ATP8A2: variants seen among roughly 807,000 people sequenced by gnomAD.
The protein encoded by ATP8A2 is phospholipid-transporting ATPase IB.
ATP8A2 carries 100 observed loss-of-function variants against 165.6 expected under a neutral mutation model. That is an observed-to-expected ratio of 0.60 (90% CI 0.51 to 0.71). ATP8A2 has a LOEUF of 0.71. Ranked by LOEUF, ATP8A2 falls within the 30% of genes least tolerant of loss-of-function variation. ATP8A2 has a pLI of 0.00. For missense variants in ATP8A2, 1,227 were observed against 1,479.5 expected, an observed-to-expected ratio of 0.83 and a Z score of 2.80; for synonymous variants, 543 against 548.8, an observed-to-expected ratio of 0.99 and a Z score of 0.15.
At chr13:25,739,475 T>G (rs2043859801) in intron 25 of ATP8A2, among the ~76,000 whole-genome samples, 1 of 152,214 alleles carries the variant, frequency 6.6e-6, no homozygotes, top group African/African-American at 2.4e-5. Flanking sequence ...GAGAGCAGTC[T>G]TAATATAACG....
intron 25 of ATP8A2, among the ~76,000 whole-genome samples, chr13:25,755,741 C>T (rs910776715): frequency 1.8e-4 from 27 of 151,976 alleles, no homozygotes; most frequent in Admixed American, 4.6e-4. Flanking sequence ...CCCCTCTCTA[C>T]TAAAAATACA....
chr13:25,596,680 T>C (rs1016961885), intron 24 of ATP8A2, among the ~76,000 whole-genome samples: 3 of 152,220 alleles, frequency 2.0e-5, no homozygotes, highest in Non-Finnish European at 4.4e-5. Context: ...CAGGACATTT[T>C]CATTATTTTC....
intron 33 of ATP8A2, among the ~76,000 whole-genome samples, chr13:25,874,591 A>C (rs1325218440): frequency 6.6e-6 from 1 of 152,186 alleles, no homozygotes; most frequent in Non-Finnish European, 1.5e-5. Flanking sequence ...ATGTGGAGAG[A>C]TCGAAACGCT....
intron 1 of ATP8A2, among the ~76,000 whole-genome samples, chr13:25,467,915 A>T (rs992633587): frequency 6.6e-6 from 1 of 152,190 alleles, no homozygotes; most frequent in African/African-American, 2.4e-5. Context: ...CGTGGCAGGT[A>T]TTAGAGGGCG....
intron 1 of ATP8A2, among the ~76,000 whole-genome samples, chr13:25,386,746 C>T (rs2033060654): frequency 6.6e-6 from 1 of 152,136 alleles, no homozygotes; most frequent in Admixed American, 6.5e-5. Context: ...CCTGTAATCC[C>T]AGCACCTCTG....
intron 1 of ATP8A2, among the ~76,000 whole-genome samples, chr13:25,445,203 C>T (rs2035036743): frequency 6.6e-6 from 1 of 152,090 alleles, no homozygotes; most frequent in Non-Finnish European, 1.5e-5. Flanking sequence ...ATTGCTTTTG[C>T]ATTGTGTTTA....
intron 1 of ATP8A2, among the ~76,000 whole-genome samples, chr13:25,436,247 A>T (rs527616166): frequency 6.6e-6 from 1 of 152,142 alleles, no homozygotes; most frequent in African/African-American, 2.4e-5. Flanking sequence ...CCCAGTAGGC[A>T]GTTCCTCAGC....
chr13:25,400,924 A>C (rs570769741), intron 1 of ATP8A2, among the ~76,000 whole-genome samples: 1 of 152,340 alleles, frequency 6.6e-6, no homozygotes, highest in East Asian at 1.9e-4. Context: ...AACAGGAAGG[A>C]TGTATTATGC....
At chr13:25,488,086 G>C (rs1270113418) in intron 2 of ATP8A2, among the ~76,000 whole-genome samples, 1 of 152,162 alleles carries the variant, frequency 6.6e-6, no homozygotes, top group Non-Finnish European at 1.5e-5. Flanking sequence ...ACAGTACAGT[G>C]GCCGTGGATA....
chr13:25,786,690 T>C (rs2045034533), intron 27 of ATP8A2, among the ~76,000 whole-genome samples: 1 of 152,052 alleles, frequency 6.6e-6, no homozygotes, highest in Non-Finnish European at 1.5e-5. Flanking sequence ...TATTATTTTA[T>C]TTTTTAAAAA....
At chr13:25,401,786 A>G (rs1235875685) in intron 1 of ATP8A2, among the ~76,000 whole-genome samples, 1 of 152,212 alleles carries the variant, frequency 6.6e-6, no homozygotes, top group Non-Finnish European at 1.5e-5. Context: ...TAGGCACAGT[A>G]AGAGATTAAT....
intron 23 of ATP8A2, among the ~76,000 whole-genome samples, chr13:25,583,071 C>G (rs551487114): frequency 6.6e-6 from 1 of 152,266 alleles, no homozygotes; most frequent in Admixed American, 6.5e-5. Context: ...TTTTGGAGAA[C>G]AGTATGATGG....
At position 25,530,493 on chromosome 13, in the gene ATP8A2, C is replaced by T. The variant is rs116733186; in HGVS notation, c.322-69C>T. On this transcript the variant is annotated intron_variant, in intron 3 of 36. Transcript: ENST00000381655. ...AAAAGTGTGAAACGTACGTGACTGC[C>T]GTAATTTTCTGTTCATGGAGAGGAT... 1,264 of 868,304 alleles carry T rather than the reference C, an allele frequency of 1.5e-3. 10 individuals are homozygous for T. The African/African-American group carries it at 0.018, about 13-fold the overall frequency. The allele number at this position is 868,304 out of a possible 1,614,324, so 53.8% of individuals were successfully genotyped here.
At chr13:25,631,261 C>T (rs188995587) in intron 24 of ATP8A2, among the ~76,000 whole-genome samples, 23 of 152,260 alleles carry the variant, frequency 1.5e-4, no homozygotes, top group South Asian at 2.1e-4. Flanking sequence ...TCAGCACCTC[C>T]GCTCACGTGT....
intron 34 of ATP8A2, among the ~76,000 whole-genome samples, chr13:25,968,369 G>T (rs1175921738): frequency 6.6e-6 from 1 of 152,124 alleles, no homozygotes; most frequent in Non-Finnish European, 1.5e-5. Flanking sequence ...GCATGATCCG[G>T]GTCTGGTCTG....
At chr13:25,499,630 A>T (rs2137689193) in intron 2 of ATP8A2, among the ~76,000 whole-genome samples, 1 of 152,274 alleles carries the variant, frequency 6.6e-6, no homozygotes, top group African/African-American at 2.4e-5. Flanking sequence ...GGGACATCAT[A>T]TTCTATTCAT....
intron 25 of ATP8A2, among the ~76,000 whole-genome samples, chr13:25,702,886 CTTTATGGG>C (rs1566062279): frequency 2.0e-5 from 3 of 152,106 alleles, no homozygotes; most frequent in Admixed American, 2.0e-4. Context: ...TATCTGTCTC[CTTTATGGG>C]CTTTCTGGCT....
At chr13:25,761,050 C>T (rs2044368691) in intron 25 of ATP8A2, among the ~76,000 whole-genome samples, 1 of 152,180 alleles carries the variant, frequency 6.6e-6, no homozygotes, top group African/African-American at 2.4e-5. Context: ...CTGCCTCTCC[C>T]CTCACCTTTG....
chr13:25,466,169 A>C (rs188265015), intron 1 of ATP8A2, among the ~76,000 whole-genome samples: 41 of 152,158 alleles, frequency 2.7e-4, no homozygotes, highest in Admixed American at 5.9e-4. Flanking sequence ...TTTGCTTGGC[A>C]TTGAGTCATC....
Sources: gnomAD v4.1 joint callset for allele counts (sites outside exome capture counted in the v4.1 genomes callset) on GRCh38, gnomAD v4.1.1 for gene constraint, MANE v1.5 for transcripts, NCBI Gene and HGNC (gene_info 2026-07-23, HGNC 2026-07-21) for gene names.